NCALD: variants seen among roughly 807,000 people sequenced by gnomAD.
The protein encoded by NCALD is neurocalcin delta.
Under a neutral mutation model 18.6 loss-of-function variants are expected in NCALD, and 10 were observed. That is an observed-to-expected ratio of 0.54 (90% CI 0.33 to 0.91). The LOEUF is 0.91. Among genes scored for constraint, NCALD ranks in the 40% least tolerant of loss-of-function variants. NCALD has a pLI of 0.03. For missense variants in NCALD, 184 were observed against 247.6 expected, an observed-to-expected ratio of 0.74 and a Z score of 1.72; for synonymous variants, 88 against 87.4, an observed-to-expected ratio of 1.01 and a Z score of -0.04.
chr8:102,035,106 G>A (rs1178936974), intron 1 of NCALD, among the ~76,000 whole-genome samples: 2 of 151,930 alleles, frequency 1.3e-5, no homozygotes, highest in African/African-American at 2.4e-5. Context: ...AGTTGAAAAC[G>A]ATATTAGAAG....
intron 2 of NCALD, among the ~76,000 whole-genome samples, chr8:101,961,426 G>A (rs1198622174): frequency 6.6e-6 from 1 of 152,110 alleles, no homozygotes; most frequent in East Asian, 1.9e-4. Context: ...TATCTTCCAG[G>A]ATTCAAGTTC....
chr8:101,701,518 C>T (rs974855722), intron 2 of NCALD, among the ~76,000 whole-genome samples: 1 of 152,130 alleles, frequency 6.6e-6, no homozygotes, highest in Non-Finnish European at 1.5e-5. Context: ...GACCAGAGCC[C>T]CTATCAGCTT....
rs542179202 is a variant in NCALD, at chr8:101,689,116, C to A, written c.*193G>T. On this transcript the variant is annotated 3_prime_UTR_variant, in exon 4 of 4. Transcript: ENST00000220931. This position sits in a 1 kb window ranked among gnomAD's most constrained non-coding sequence, Gnocchi z 4.4. Reference sequence around the variant, plus strand: ...TCTGTCCATGCTCTCCACAAGCACACTGGGGCTCTGGGCATTCCCACGAAG... The same window carrying A: ...TCTGTCCATGCTCTCCACAAGCACAATGGGGCTCTGGGCATTCCCACGAAG... The A allele has an allele frequency of 5.7e-6, 4 of 705,536 alleles. No homozygotes were observed. The highest frequency in any genetic ancestry group is 1.0e-5 in the Non-Finnish European group (4 of 386,786). The allele number at this position is 705,536 out of a possible 1,614,324, so 43.7% of individuals were successfully genotyped here. A position where few individuals can be genotyped will look rare whatever the true frequency, so the allele number is the denominator to read the frequency against.
intron 1 of NCALD, among the ~76,000 whole-genome samples, chr8:102,105,006 G>A (rs1338959037): frequency 2.0e-5 from 3 of 152,170 alleles, no homozygotes; most frequent in African/African-American, 7.2e-5. Flanking sequence ...ATGGTATCTC[G>A]ATATAATGTA....
intron 2 of NCALD, among the ~76,000 whole-genome samples, chr8:102,002,056 G>C (rs551438866): frequency 1.3e-5 from 2 of 152,122 alleles, no homozygotes; most frequent in African/African-American, 4.8e-5. Flanking sequence ...TGGGCTAAAT[G>C]CTCCAATTAA....
At chr8:101,777,113 A>G (rs1811825053) in intron 1 of NCALD, among the ~76,000 whole-genome samples, 1 of 152,144 alleles carries the variant, frequency 6.6e-6, no homozygotes, top group South Asian at 2.1e-4. Flanking sequence ...AAAGCTTCAC[A>G]TGACTAAAAA....
At chr8:102,109,851 C>T (rs1825587083) in intron 1 of NCALD, among the ~76,000 whole-genome samples, 1 of 152,024 alleles carries the variant, frequency 6.6e-6, no homozygotes, top group Admixed American at 6.6e-5. Context: ...AAGAAAGAAT[C>T]ACTCTTATTT....
At chr8:101,956,664 C>T (rs1318960559) in intron 2 of NCALD, among the ~76,000 whole-genome samples, 1 of 151,996 alleles carries the variant, frequency 6.6e-6, no homozygotes. Flanking sequence ...ACTATCTACT[C>T]TGGACCATTA....
At chr8:102,065,755 C>T (rs1823989267) in intron 1 of NCALD, among the ~76,000 whole-genome samples, 1 of 152,130 alleles carries the variant, frequency 6.6e-6, no homozygotes, top group South Asian at 2.1e-4. Context: ...GGGAGGATCG[C>T]TTGAGGCCAG....
rs111284002 is a variant in NCALD at position 101,801,398 on chromosome 8, T to C, written c.-19-81750A>G. ...ATTTGAAAAACGGTGACCTCAAAAA[T>C]TGCAAAATACACATTTTTTTTTCAA... On this transcript the variant is annotated intron_variant, in intron 4 of 6. Coordinates refer to the NCALD transcript ENST00000311028. 5.7e-3 allele frequency among the ~76,000 whole-genome samples: 866 copies of C among 152,140 alleles called. 10 individuals are homozygous for C. Among genetic ancestry groups the C allele is most frequent in the African/African-American group, 0.018 (760 of 41,544 alleles).
chr8:101,855,589 G>C (rs1202538225), intron 4 of NCALD, among the ~76,000 whole-genome samples: 1 of 152,140 alleles, frequency 6.6e-6, no homozygotes, highest in East Asian at 1.9e-4. Context: ...ATATACTCAA[G>C]AAATTGAATC....
chr8:102,038,676 A>G (rs1456213861), intron 1 of NCALD, among the ~76,000 whole-genome samples: 1 of 152,132 alleles, frequency 6.6e-6, no homozygotes, highest in Non-Finnish European at 1.5e-5. Flanking sequence ...CCCACAATTC[A>G]CTTTAGCCAT....
At chr8:101,692,397 G>A (rs1814770285) in intron 3 of NCALD, 1 of 985,158 alleles carries the variant, frequency 1.0e-6, no homozygotes, top group Non-Finnish European at 1.2e-6. Flanking sequence ...TCGGCATCTG[G>A]GTAGGATCAC....
At chr8:102,114,922 G>A (rs142524831) in intron 1 of NCALD, among the ~76,000 whole-genome samples, 2 of 152,280 alleles carry the variant, frequency 1.3e-5, no homozygotes, top group Non-Finnish European at 2.9e-5. Flanking sequence ...TCACTCTTTG[G>A]GAGTTAAGGT....
At chr8:101,942,232 T>G (rs984994495) in intron 2 of NCALD, among the ~76,000 whole-genome samples, 2 of 152,204 alleles carry the variant, frequency 1.3e-5, no homozygotes, top group African/African-American at 4.8e-5. Context: ...GAGAGGCAGA[T>G]GCACTGGAAG....
chr8:101,871,641 T>C (rs1412689354), intron 4 of NCALD, among the ~76,000 whole-genome samples: 1 of 151,382 alleles, frequency 6.6e-6, no homozygotes, highest in Non-Finnish European at 1.5e-5. Flanking sequence ...GGAAATACTA[T>C]AGTTTAAAAA....
At chr8:101,835,118 A>C (rs550751534) in intron 4 of NCALD, among the ~76,000 whole-genome samples, 1 of 152,326 alleles carries the variant, frequency 6.6e-6, no homozygotes, top group African/African-American at 2.4e-5. Flanking sequence ...TAGAAGTCCA[A>C]TTTGTAAAGC....
intron 3 of NCALD, chr8:101,690,201 GGA>G (rs1365292806): frequency 2.0e-6 from 2 of 976,542 alleles, no homozygotes. Flanking sequence ...GGAGAGGAGG[GGA>G]GGGGGTGGGG....
intron 4 of NCALD, among the ~76,000 whole-genome samples, chr8:101,872,932 G>A (rs189536833): frequency 1.6e-3 from 247 of 152,236 alleles, no homozygotes; most frequent in Non-Finnish European, 2.8e-3. Flanking sequence ...GAGAGACTCC[G>A]AAAGTCCAAA....
Sources: allele counts gnomAD v4.1 joint callset (sites outside exome capture counted in the v4.1 genomes callset), GRCh38; gene constraint gnomAD v4.1.1; non-coding constraint Gnocchi (gnomAD v3.1); transcripts MANE v1.5; gene names NCBI Gene and HGNC (gene_info 2026-07-23, HGNC 2026-07-21).